Variants in COL5A1 observed in about 807,000 individuals in gnomAD.
COL5A1 encodes the protein collagen type V alpha 1 chain.
COL5A1 carries 16 observed loss-of-function variants against 263.7 expected under a neutral mutation model. The observed-to-expected ratio is 0.06, with a 90% CI of 0.04 to 0.09. COL5A1 has a LOEUF of 0.09. Among genes scored for constraint, COL5A1 ranks in the 10% least tolerant of loss-of-function variants. The probability of loss-of-function intolerance (pLI) is 1.00; values close to 1 mark genes in which losing one functional copy is unlikely to be tolerated. For missense variants in COL5A1, 2,036 were observed against 2,540.5 expected (o/e 0.80, Z 4.27); for synonymous variants, 1,012 against 1,004.5 (o/e 1.01, Z -0.14).
chr9:134,760,442 CATGCATA>C (rs1564440196), intron 18 of COL5A1, among the ~76,000 whole-genome samples: 4 of 97,150 alleles, frequency 4.1e-5, no homozygotes, highest in Non-Finnish European at 7.4e-5. Flanking sequence ...CATGCACACA[CATGCATA>C]CACACCCACA....
Position 134,804,990 on chromosome 9 carries a change from G to A in COL5A1, c.3130G>A (p.Ala1044Thr), listed in dbSNP as rs370143255. ...KEGTKGDPGP[A>T]GLPGKDGPPG... ...CTGTTTTCAGGGTGACCCAGGCCCT[G>A]CAGGCCTCCCTGGGAAAGATGGCCC... The change falls in exon 40 of 66, where the codon GCA (alanine) becomes ACA (threonine). Residue 1044 changes from alanine to threonine, a missense_variant. By Grantham distance (58) the Ala-to-Thr change is moderately conservative. Coordinates refer to ENST00000371817, the MANE Select transcript of COL5A1 (RefSeq NM_000093.5). The A allele has an allele frequency of 5.3e-5, 86 of 1,613,698 alleles. No homozygotes were observed. In the African/African-American group the frequency reaches 6.3e-4, roughly 12 times the overall value.
At position 134,821,670 on chromosome 9, in the gene COL5A1, C is replaced by T. The variant is rs1052282925; in HGVS notation, c.4555-427C>T. 6.6e-6 allele frequency among the ~76,000 whole-genome samples: 1 copy of T among 152,202 alleles called. No individual in the cohort carries two copies. Among genetic ancestry groups the T allele is most frequent in the African/African-American group, 2.4e-5 (1 of 41,440 alleles). ...CAGGACAGTCAGCATGGATGGGACT[C>T]CCTGCCCAACCCCTCCGGGCTTAGT... is the stretch of plus-strand genomic sequence containing the variant. On this transcript the variant is annotated intron_variant, in intron 58 of 65. Coordinates refer to ENST00000371817, the MANE Select transcript of COL5A1 (RefSeq NM_000093.5). The surrounding 1 kb of genome is among the most constrained non-coding windows in gnomAD (Gnocchi z 4.2).
intron 63 of COL5A1, among the ~76,000 whole-genome samples, chr9:134,827,215 G>C (rs563004152): frequency 6.6e-6 from 1 of 152,184 alleles, no homozygotes; most frequent in Non-Finnish European, 1.5e-5. Context: ...GAGCAGCTAC[G>C]TTCTCCCCAG....
chr9:134,686,272 G>A lies in COL5A1; in HGVS notation c.110-4640G>A, dbSNP rs529728304. On this transcript the variant is annotated intron_variant, in intron 1 of 65. Transcript: ENST00000371817. The surrounding 1 kb of genome is among the most constrained non-coding windows in gnomAD (Gnocchi z 4.6). ...CTTCTTCTTTCTCTTCCTTTTTTTC[G>A]AGACCAGGTTATGCTCTGTCACCCA... Among the ~76,000 whole-genome samples the A allele has an allele frequency of 3.7e-4, 54 of 147,536 alleles. No individual in the cohort carries two copies. Among genetic ancestry groups the A allele is most frequent in the African/African-American group, 1.3e-3 (51 of 39,764 alleles).
intron 1 of COL5A1, among the ~76,000 whole-genome samples, chr9:134,687,007 G>A (rs1158532845): frequency 1.3e-5 from 2 of 152,200 alleles, no homozygotes; most frequent in African/African-American, 2.4e-5. Flanking sequence ...GTGGGGTCAG[G>A]AGGCCCCACT....
chr9:134,793,669 T>C (rs1232497798), intron 32 of COL5A1, among the ~76,000 whole-genome samples: 2 of 148,714 alleles, frequency 1.3e-5, no homozygotes. Flanking sequence ...TGGGAATGAG[T>C]AAATCTGGCA....
intron 4 of COL5A1, among the ~76,000 whole-genome samples, chr9:134,707,908 C>CT (rs1200554618): frequency 6.6e-6 from 1 of 152,192 alleles, no homozygotes; most frequent in Non-Finnish European, 1.5e-5. Flanking sequence ...GCGGGCGAGA[C>CT]TGGGTGCTGA....
chr9:134,813,290 C>T (rs1376596328), intron 48 of COL5A1, among the ~76,000 whole-genome samples: 1 of 152,056 alleles, frequency 6.6e-6, no homozygotes, highest in Admixed American at 6.6e-5. Context: ...TGCCTGACTG[C>T]AAAAGCACCT....
chr9:134,732,676 C>A (rs559387238), intron 9 of COL5A1: 199 of 189,892 alleles, frequency 1.0e-3, no homozygotes, highest in Non-Finnish European at 1.7e-3. Flanking sequence ...GAAATTCCAG[C>A]TGAGTAAAAC....
chr9:134,826,482 G>A (rs1289237915), intron 63 of COL5A1, among the ~76,000 whole-genome samples: 1 of 152,216 alleles, frequency 6.6e-6, no homozygotes, highest in Non-Finnish European at 1.5e-5. Context: ...CCTCAGCGCT[G>A]TAGCAGGAGT....
intron 18 of COL5A1, among the ~76,000 whole-genome samples, chr9:134,759,549 ACACT>A (rs201486420): frequency 0.028 from 3,155 of 112,980 alleles, 413 homozygotes; most frequent in African/African-American, 0.098. Flanking sequence ...ATGCGCACAC[ACACT>A]CATACACACA....
At chr9:134,658,341 C>T (rs574275278) in intron 1 of COL5A1, among the ~76,000 whole-genome samples, 23 of 152,282 alleles carry the variant, frequency 1.5e-4, no homozygotes, top group South Asian at 4.2e-4. Flanking sequence ...AAAGCAGCTC[C>T]GAAGTGCAGA....
intron 18 of COL5A1, among the ~76,000 whole-genome samples, chr9:134,760,128 CCA>C (rs1165949003): frequency 1.6e-5 from 2 of 125,208 alleles, no homozygotes; most frequent in East Asian, 2.7e-4. Flanking sequence ...CCACACACCC[CCA>C]CACTCACATG....
intron 2 of COL5A1, among the ~76,000 whole-genome samples, chr9:134,698,016 G>A (rs1833541712): frequency 6.6e-6 from 1 of 150,446 alleles, no homozygotes; most frequent in Admixed American, 6.6e-5. Flanking sequence ...CCTGGGAGGT[G>A]GAGGTTGCAG....
In COL5A1 at chr9:134,750,892, G is replaced by A. The variant is rs1247209658; in HGVS notation, c.1662+10G>A. On this transcript the variant is annotated intron_variant, in intron 13 of 65. Coordinates refer to ENST00000371817, the MANE Select transcript of COL5A1 (RefSeq NM_000093.5). ...TCTCCAGCAGGCCAGGGTGAGTACTGCTGGGTCCCAAGAGGCCTGAAGGGG... is the reference window on the plus strand; with the variant it reads ...TCTCCAGCAGGCCAGGGTGAGTACTACTGGGTCCCAAGAGGCCTGAAGGGG... 7 of 1,611,216 alleles carry A rather than the reference G, an allele frequency of 4.3e-6. No individual in the cohort carries two copies. The highest frequency in any genetic ancestry group is 5.9e-6 in the Non-Finnish European group (7 of 1,178,646).
rs895818933 is a variant in COL5A1 at position 134,677,425 on chromosome 9, T to G, written c.110-13487T>G. 6.6e-6 allele frequency among the ~76,000 whole-genome samples: 1 copy of G among 152,116 alleles called. No homozygotes were observed. Among genetic ancestry groups the G allele is most frequent in the Non-Finnish European group, 1.5e-5 (1 of 68,024 alleles). ...ACAGCAGGAGAGGTTTCTCACTGCC[T>G]TCTAAATCCCGAATCTGCCCACACA... On this transcript the variant is annotated intron_variant, in intron 1 of 65. Coordinates refer to ENST00000371817, the MANE Select transcript of COL5A1 (RefSeq NM_000093.5). This position sits in a 1 kb window ranked among gnomAD's most constrained non-coding sequence, Gnocchi z 4.4.
At chr9:134,760,362 TAC>T (rs200286255) in intron 18 of COL5A1, among the ~76,000 whole-genome samples, 1 of 26,828 alleles carries the variant, frequency 3.7e-5, no homozygotes, top group South Asian at 1.4e-3. Context: ...CCCCCACACA[TAC>T]ACACACACCA....
intron 19 of COL5A1, among the ~76,000 whole-genome samples, chr9:134,762,277 C>T (rs1836480594): frequency 6.6e-6 from 1 of 152,218 alleles, no homozygotes; most frequent in East Asian, 1.9e-4. Context: ...CCAAACCCCA[C>T]TGGGAGGAAA....
chr9:134,811,325 C>G lies in COL5A1; in HGVS notation c.3529-14C>G, dbSNP rs754204160. The G allele has an allele frequency of 1.9e-6, 3 of 1,613,864 alleles. No homozygotes were observed. On this transcript the variant is annotated splice_polypyrimidine_tract_variant and intron_variant, in intron 44 of 65. Coordinates refer to ENST00000371817, the MANE Select transcript of COL5A1 (RefSeq NM_000093.5). The stretch of plus-strand genomic sequence containing the variant: ...TCCAAGAAGCTACCTATGTCTCTGT[C>G]TTGTTCCCCGCAGGGTCCTCCTGGG...
Sources: allele counts gnomAD v4.1 joint callset (sites outside exome capture counted in the v4.1 genomes callset), GRCh38; gene constraint gnomAD v4.1.1; non-coding constraint Gnocchi (gnomAD v3.1); transcripts MANE v1.5; gene names NCBI Gene and HGNC (gene_info 2026-07-23, HGNC 2026-07-21).